ARHGEF33: variants seen among roughly 807,000 people sequenced by gnomAD.
ARHGEF33 encodes DH and coiled-coil domain-containing protein ENSP00000381780.
Under a neutral mutation model 101.9 loss-of-function variants are expected in ARHGEF33, and 72 were observed. That is an observed-to-expected ratio of 0.71 (90% CI 0.58 to 0.86). The LOEUF (loss-of-function observed/expected upper bound fraction) is 0.86. Ranked by LOEUF, ARHGEF33 falls within the 40% of genes least tolerant of loss-of-function variation. The pLI is 0.00. For missense variants in ARHGEF33, 1,169 were observed against 1,111.3 expected, an observed-to-expected ratio of 1.05 and a Z score of -0.74; for synonymous variants, 499 against 442.5, an observed-to-expected ratio of 1.13 and a Z score of -1.60.
intron 4 of ARHGEF33, among the ~76,000 whole-genome samples, chr2:38,922,679 T>C (rs1312500211): frequency 2.0e-5 from 3 of 152,188 alleles, no homozygotes; most frequent in Non-Finnish European, 4.4e-5. Context: ...GACATTCTCA[T>C]TGATTTTTAT....
chr2:38,898,347 G>T (rs1666166260), intron 2 of ARHGEF33, among the ~76,000 whole-genome samples: 1 of 152,194 alleles, frequency 6.6e-6, no homozygotes, highest in Non-Finnish European at 1.5e-5. Context: ...GCAGCACATT[G>T]ACTCCTTGGC....
At chr2:38,910,476 G>A (rs1288658518) in intron 2 of ARHGEF33, among the ~76,000 whole-genome samples, 1 of 152,140 alleles carries the variant, frequency 6.6e-6, no homozygotes, top group African/African-American at 2.4e-5. Flanking sequence ...GGGAGGCTGA[G>A]GCAGAATTGC....
chr2:38,895,779 C>G lies in ARHGEF33; in HGVS notation c.-156C>G, dbSNP rs1310311491. ...GTTTTTTTTTTTTTTTTTTACAGAA[C>G]TTCTAGAGAAAACAAGAAGAAGACT... On this transcript the variant is annotated splice_region_variant and 5_prime_UTR_variant, in exon 2 of 18. Transcript: ENST00000409978. 6.7e-6 allele frequency: 1 copy of G among 148,208 alleles called. No individual in the cohort carries two copies. The highest frequency in any genetic ancestry group is 6.7e-5 in the Admixed American group (1 of 14,932). The allele number at this position is 148,208 out of a possible 1,614,324, so 9.2% of individuals were successfully genotyped here.
At chr2:38,901,976 G>T (rs919209720) in intron 2 of ARHGEF33, among the ~76,000 whole-genome samples, 19 of 151,946 alleles carry the variant, frequency 1.3e-4, no homozygotes, top group African/African-American at 4.6e-4. Context: ...TTAGCTGGGC[G>T]TGTTGGCGGG....
chr2:38,933,116 T>C (rs1667043749), intron 7 of ARHGEF33, among the ~76,000 whole-genome samples: 1 of 152,180 alleles, frequency 6.6e-6, no homozygotes. Flanking sequence ...GAGTCAGAAA[T>C]CTGTGCACAG....
At chr2:38,895,312 G>C (rs566913479) in intron 1 of ARHGEF33, among the ~76,000 whole-genome samples, 12 of 152,218 alleles carry the variant, frequency 7.9e-5, no homozygotes, top group African/African-American at 2.9e-4. Context: ...ACTTCAATTG[G>C]CGCTTAAAGA....
Position 38,957,004 on chromosome 2 carries a change from T to G in ARHGEF33, c.1327T>G (p.Cys443Gly). ...FISHYTLLFQ[C>G]NEDLLIQKRK... The stretch of plus-strand genomic sequence containing the variant: ...CTCACACTACACCCTGCTGTTTCAA[T>G]GCAATGAAGATTTGCTTATTCAGAA... The change falls in exon 14 of 18, where the codon TGC (cysteine) becomes GGC (glycine). Residue 443 changes from cysteine to glycine, a missense_variant. Cys to Gly is a radical substitution (Grantham distance 159). Coordinates refer to ENST00000409978, the MANE Select transcript of ARHGEF33 (RefSeq NM_001145451.5). 1.9e-6 allele frequency: 3 copies of G among 1,552,150 alleles called. No individual in the cohort carries two copies. The highest frequency in any genetic ancestry group is 2.6e-6 in the Non-Finnish European group (3 of 1,147,092).
chr2:38,927,416 C>A (rs1225446546), intron 4 of ARHGEF33, among the ~76,000 whole-genome samples: 1 of 152,190 alleles, frequency 6.6e-6, no homozygotes, highest in Non-Finnish European at 1.5e-5. Context: ...ATACTTGAGG[C>A]CGGGCACAGT....
At position 38,960,418 on chromosome 2, in the gene ARHGEF33, C is replaced by A; in HGVS notation, c.2113C>A (p.Leu705Met). ...AAQAHGKAKP[L>M]SRSLKEFPRA... Reference sequence around the variant, plus strand: ...GCAGGCGCACGGCAAGGCCAAGCCGCTGAGCCGCTCTCTCAAAGAGTTCCC... The same window carrying A: ...GCAGGCGCACGGCAAGGCCAAGCCGATGAGCCGCTCTCTCAAAGAGTTCCC... The change falls in exon 16 of 18, where the codon CTG (leucine) becomes ATG (methionine). Residue 705 changes from leucine to methionine, a missense_variant. Coordinates refer to ENST00000409978, the MANE Select transcript of ARHGEF33 (RefSeq NM_001145451.5). The A allele has an allele frequency of 2.0e-6, 3 of 1,514,930 alleles. No individual in the cohort carries two copies. Among genetic ancestry groups the A allele is most frequent in the South Asian group, 2.5e-5 (2 of 80,944 alleles). 93.8% of individuals were successfully genotyped at this position (1,514,930 alleles called of 1,614,324 possible).
chr2:38,909,841 A>G (rs1666471160), intron 2 of ARHGEF33, among the ~76,000 whole-genome samples: 1 of 151,722 alleles, frequency 6.6e-6, no homozygotes, highest in Non-Finnish European at 1.5e-5. Context: ...TAAGGGTCAC[A>G]CTGTACTCTT....
At chr2:38,930,365 T>C (rs567324332) in intron 6 of ARHGEF33, among the ~76,000 whole-genome samples, 4 of 152,002 alleles carry the variant, frequency 2.6e-5, no homozygotes, top group South Asian at 4.1e-4. Context: ...TTTTTTTTTT[T>C]TGGAGACAGA....
chr2:38,970,908 C>T (rs946093690), intron 17 of ARHGEF33, among the ~76,000 whole-genome samples: 2 of 152,194 alleles, frequency 1.3e-5, no homozygotes, highest in African/African-American at 4.8e-5. Context: ...TCAGTCCCTC[C>T]TCCATCAATC....
At chr2:38,901,126 C>T (rs1254613103) in intron 2 of ARHGEF33, among the ~76,000 whole-genome samples, 5 of 152,154 alleles carry the variant, frequency 3.3e-5, no homozygotes, top group South Asian at 2.1e-4. Flanking sequence ...AGGGGCTTAT[C>T]GGAGCATTTC....
In ARHGEF33 at chr2:38,929,358, G is replaced by A. The variant is rs1054260303; in HGVS notation, c.240+287G>A. On this transcript the variant is annotated intron_variant, in intron 5 of 17. Coordinates refer to ENST00000409978, the MANE Select transcript of ARHGEF33 (RefSeq NM_001145451.5). ...GCAGGAGAATCGCTTGAGCCAGGAAGTGGAGGTTGTAGTGTGCTGAGATCA... is the reference window on the plus strand; with the variant it reads ...GCAGGAGAATCGCTTGAGCCAGGAAATGGAGGTTGTAGTGTGCTGAGATCA... 2.6e-5 allele frequency among the ~76,000 whole-genome samples: 4 copies of A among 152,210 alleles called. No individual in the cohort carries two copies. In the East Asian group the frequency reaches 7.7e-4, roughly 29 times the overall value.
intron 10 of ARHGEF33, among the ~76,000 whole-genome samples, chr2:38,949,474 C>G (rs551803393): frequency 4.9e-4 from 74 of 152,248 alleles, no homozygotes; most frequent in African/African-American, 1.3e-3. Flanking sequence ...TCCTCTTCCT[C>G]CCATGATTCT....
At chr2:38,938,617 G>A (rs1667217336) in intron 9 of ARHGEF33, among the ~76,000 whole-genome samples, 1 of 152,060 alleles carries the variant, frequency 6.6e-6, no homozygotes, top group South Asian at 2.1e-4. Flanking sequence ...AATTCACAGA[G>A]CTTACATTTA....
At chr2:38,955,912 T>C (rs1181221935) in intron 13 of ARHGEF33, among the ~76,000 whole-genome samples, 2 of 152,032 alleles carry the variant, frequency 1.3e-5, no homozygotes, top group Non-Finnish European at 1.5e-5. Flanking sequence ...CCTGGTGATC[T>C]GCCCGCCTCA....
In ARHGEF33 at chr2:38,935,761, T is replaced by G; in HGVS notation, c.506-14T>G. On this transcript the variant is annotated splice_polypyrimidine_tract_variant and intron_variant, in intron 7 of 17. Coordinates refer to ENST00000409978, the MANE Select transcript of ARHGEF33 (RefSeq NM_001145451.5). ...TGGAATGAACGCTGAATGAATGCTT[T>G]CCTTTCTCTGCAGCCCAAGAGTCCA... The G allele has an allele frequency of 6.4e-7, 1 of 1,551,350 alleles. No individual in the cohort carries two copies. Among genetic ancestry groups the G allele is most frequent in the Non-Finnish European group, 8.7e-7 (1 of 1,146,462 alleles).
At chr2:38,926,977 C>T (rs1035307506) in intron 4 of ARHGEF33, among the ~76,000 whole-genome samples, 2 of 152,080 alleles carry the variant, frequency 1.3e-5, no homozygotes, top group Non-Finnish European at 2.9e-5. Context: ...TGAAAAATTA[C>T]CAGATCAGAA....
Sources: allele counts gnomAD v4.1 joint callset (sites outside exome capture counted in the v4.1 genomes callset), GRCh38; gene constraint gnomAD v4.1.1; transcripts MANE v1.5; gene names NCBI Gene and HGNC (gene_info 2026-07-23, HGNC 2026-07-21).